MDGA2: variants seen among roughly 807,000 people sequenced by gnomAD.
The protein encoded by MDGA2 is MAM domain-containing glycosylphosphatidylinositol anchor protein 2.
A neutral mutation model predicts 117.8 loss-of-function variants in MDGA2; 40 were observed. The observed-to-expected ratio is 0.34, with a 90% CI of 0.26 to 0.44. The LOEUF is 0.44. Among genes scored for constraint, MDGA2 ranks in the 20% least tolerant of loss-of-function variants. The pLI is 1.00. For synonymous variants in MDGA2, 452 were observed against 439.0 expected (o/e 1.03, Z -0.37); for missense variants, 1,123 against 1,250.6 (o/e 0.90, Z 1.54).
chr14:46,936,160 C>G (rs1013879591), intron 9 of MDGA2, among the ~76,000 whole-genome samples: 5 of 151,858 alleles, frequency 3.3e-5, no homozygotes, highest in African/African-American at 1.2e-4. Flanking sequence ...ATAATTTGTC[C>G]CTGCCAGTCA....
chr14:47,025,219 C>T (rs1888429803), intron 8 of MDGA2, among the ~76,000 whole-genome samples: 1 of 152,096 alleles, frequency 6.6e-6, no homozygotes, highest in African/African-American at 2.4e-5. Context: ...AAGAATTTGA[C>T]CTTCTTTTAA....
intron 1 of MDGA2, among the ~76,000 whole-genome samples, chr14:47,514,395 T>G (rs1395314727): frequency 6.6e-6 from 1 of 152,102 alleles, no homozygotes; most frequent in East Asian, 1.9e-4. Context: ...TAGACTAAAA[T>G]TAACTCCTGG....
At chr14:47,044,924 T>C (rs1876694221) in intron 7 of MDGA2, among the ~76,000 whole-genome samples, 1 of 152,146 alleles carries the variant, frequency 6.6e-6, no homozygotes, top group Non-Finnish European at 1.5e-5. Context: ...AATAGGTTCC[T>C]GGAGGGTAGC....
intron 1 of MDGA2, among the ~76,000 whole-genome samples, chr14:47,469,500 T>C (rs527686300): frequency 1.3e-5 from 2 of 152,320 alleles, no homozygotes; most frequent in Admixed American, 6.5e-5. Context: ...TTTTTATGGC[T>C]GCATAGTATT....
intron 1 of MDGA2, among the ~76,000 whole-genome samples, chr14:47,455,783 G>C (rs1893337755): frequency 6.6e-6 from 1 of 151,978 alleles, no homozygotes; most frequent in Non-Finnish European, 1.5e-5. Flanking sequence ...GACCACCTGA[G>C]GTTAGGAGTT....
At chr14:47,184,168 G>A (rs1029654757) in intron 3 of MDGA2, among the ~76,000 whole-genome samples, 5 of 151,852 alleles carry the variant, frequency 3.3e-5, no homozygotes, top group Non-Finnish European at 7.4e-5. Flanking sequence ...TTTTATAATT[G>A]TTTACTGCTT....
chr14:46,990,853 AAC>A (rs1290060460), intron 8 of MDGA2, among the ~76,000 whole-genome samples: 3 of 117,812 alleles, frequency 2.5e-5, no homozygotes, highest in Non-Finnish European at 5.3e-5. Context: ...TATGGATTAG[AAC>A]ACACACACAC....
In MDGA2 at chr14:46,855,387, G is replaced by A. The variant is rs1566492531; in HGVS notation, c.2753-233C>T. ...GTGCATGTTGCCTGATATTGCAAAA[G>A]GGATTTAAGGATTTTGCAATGGGGA... On this transcript the variant is annotated intron_variant, in intron 14 of 16. Transcript: ENST00000399232. The surrounding 1 kb of genome is among the most constrained non-coding windows in gnomAD (Gnocchi z 4.1). Among the ~76,000 whole-genome samples, 1 of 152,050 alleles carries A rather than the reference G, an allele frequency of 6.6e-6. No homozygotes were observed. Among genetic ancestry groups the A allele is most frequent in the Non-Finnish European group, 1.5e-5 (1 of 67,998 alleles).
chr14:47,131,866 A>G lies in MDGA2; in HGVS notation c.793-20T>C. On this transcript the variant is annotated intron_variant, in intron 4 of 16. Transcript: ENST00000399232. ...TTCACCCTGAAAATGTACACAAAAAATAAAAGTCATTAGAAAAAGCCAACA... is the reference window on the plus strand; with the variant it reads ...TTCACCCTGAAAATGTACACAAAAAGTAAAAGTCATTAGAAAAAGCCAACA... The G allele has an allele frequency of 6.5e-7, 1 of 1,537,114 alleles. No individual in the cohort carries two copies. Among genetic ancestry groups the G allele is most frequent in the Non-Finnish European group, 8.9e-7 (1 of 1,127,356 alleles).
chr14:47,583,472 G>A (rs777322749), intron 1 of MDGA2, among the ~76,000 whole-genome samples: 5 of 151,846 alleles, frequency 3.3e-5, no homozygotes, highest in South Asian at 2.1e-4. Flanking sequence ...ACTTTGGGAT[G>A]TTGAATAATC....
At chr14:47,600,401 T>C (rs989097652) in intron 1 of MDGA2, among the ~76,000 whole-genome samples, 1 of 151,876 alleles carries the variant, frequency 6.6e-6, no homozygotes, top group African/African-American at 2.4e-5. Context: ...GCCACCACAC[T>C]CCAGCTCGGA....
At chr14:47,014,083 C>T (rs1481901985) in intron 8 of MDGA2, among the ~76,000 whole-genome samples, 3 of 151,988 alleles carry the variant, frequency 2.0e-5, no homozygotes, top group African/African-American at 7.2e-5. Flanking sequence ...GCTTGAGCCA[C>T]TGCCCCCGGC....
intron 1 of MDGA2, among the ~76,000 whole-genome samples, chr14:47,440,133 G>A (rs1385846583): frequency 6.6e-6 from 1 of 151,976 alleles, no homozygotes; most frequent in African/African-American, 2.4e-5. Context: ...CCCATCACAT[G>A]TGTCGGCTCC....
chr14:46,936,289 T>C (rs563464552), intron 9 of MDGA2, among the ~76,000 whole-genome samples: 1 of 152,110 alleles, frequency 6.6e-6, no homozygotes, highest in East Asian at 1.9e-4. Context: ...AGAACAGATA[T>C]ACACCTTTCC....
intron 9 of MDGA2, among the ~76,000 whole-genome samples, chr14:46,929,611 A>G (rs1439732022): frequency 0.028 from 396 of 14,014 alleles, 13 homozygotes; most frequent in African/African-American, 0.11. Flanking sequence ...GTATATATAT[A>G]TATATATATA....
chr14:46,841,991 C>T lies in MDGA2; in HGVS notation c.3018G>A (p.Leu1006=). The change falls in exon 17 of 17, where the codon TTG becomes TTA. Residue 1006 remains leucine (L), a synonymous_variant. Transcript: ENST00000399232. The part of the protein sequence containing the change: ...KNSVDGAVGI[L]VHIWLFPIIV... ...TAATGGGAAAAAGCCATATATGAAC[C>T]AAAATCCCAACAGCACCATCAACGG... The T allele has an allele frequency of 6.2e-7, 1 of 1,611,786 alleles. No homozygotes were observed. Among genetic ancestry groups the T allele is most frequent in the Non-Finnish European group, 8.5e-7 (1 of 1,178,620 alleles).
At chr14:47,241,942 G>C (rs1216961287) in intron 2 of MDGA2, among the ~76,000 whole-genome samples, 2 of 151,692 alleles carry the variant, frequency 1.3e-5, no homozygotes, top group Non-Finnish European at 2.9e-5. Flanking sequence ...TTCCACATCA[G>C]TAAAATAGAG....
chr14:47,007,235 G>A (rs1478041792), intron 8 of MDGA2, among the ~76,000 whole-genome samples: 1 of 151,754 alleles, frequency 6.6e-6, no homozygotes, highest in African/African-American at 2.4e-5. Context: ...ATAATGTTAT[G>A]TATTGAACAA....
intron 1 of MDGA2, among the ~76,000 whole-genome samples, chr14:47,645,779 A>T (rs558883732): frequency 4.4e-4 from 67 of 152,048 alleles, no homozygotes; most frequent in African/African-American, 1.5e-3. Context: ...AATATTAAAG[A>T]TGAAGAAAAC....
Sources: allele counts gnomAD v4.1 joint callset (sites outside exome capture counted in the v4.1 genomes callset), GRCh38; gene constraint gnomAD v4.1.1; non-coding constraint Gnocchi (gnomAD v3.1); transcripts MANE v1.5; gene names NCBI Gene and HGNC (gene_info 2026-07-23, HGNC 2026-07-21).